The following SLC6A12 variants were observed in gnomAD, a reference collection of about 807,000 sequenced individuals.
The protein encoded by SLC6A12 is sodium- and chloride-dependent betaine transporter.
Under a neutral mutation model 73.3 loss-of-function variants are expected in SLC6A12, and 50 were observed. The ratio of observed to expected loss-of-function variants is 0.68; its 90% CI spans 0.54 to 0.86. The LOEUF is 0.86. Among genes scored for constraint, SLC6A12 ranks in the 40% least tolerant of loss-of-function variants. The pLI, the probability that SLC6A12 is intolerant of heterozygous loss-of-function variation, is 0.00. For missense variants in SLC6A12, 648 were observed against 772.8 expected, an observed-to-expected ratio of 0.84 and a Z score of 1.92; for synonymous variants, 304 against 309.2, an observed-to-expected ratio of 0.98 and a Z score of 0.18.
At chr12:211,867 C>G (rs1017213760) in intron 2 of SLC6A12, among the ~76,000 whole-genome samples, 159 bp downstream of exon 2, 2 of 152,180 alleles carry the variant, frequency 1.3e-5, no homozygotes, top group African/African-American at 4.8e-5. Context: ...ACTCTTTCTA[C>G]GTATTATTGA....
At chr12:197,854 A>G (rs1304121722) in intron 9 of SLC6A12, 46 bp downstream of exon 9, 1 of 1,160,074 alleles carries the variant, frequency 8.6e-7, no homozygotes, top group Admixed American at 1.7e-5. Context: ...ACCCATCCCC[A>G]GGCCCCAACC....
intron 2 of SLC6A12, 138 bp downstream of exon 2, chr12:211,888 C>G (rs1940916775): frequency 6.6e-6 from 1 of 152,170 alleles, no homozygotes; most frequent in Non-Finnish European, 1.5e-5. Context: ...AGTGCATCCT[C>G]CTAAGAATCT....
At chr12:195,498 C>A (rs1939820683) in intron 12 of SLC6A12, among the ~76,000 whole-genome samples, 171 bp from the exon 13 acceptor site, 1 of 152,218 alleles carries the variant, frequency 6.6e-6, no homozygotes, top group Non-Finnish European at 1.5e-5. Flanking sequence ...TCAGGCCCCC[C>A]AGTCAACATC....
intron 6 of SLC6A12, chr12:201,546 G>C (rs1043416971): frequency 1.8e-6 from 1 of 555,052 alleles, no homozygotes; most frequent in Non-Finnish European, 3.3e-6. Context: ...GCTGAAGGTG[G>C]ACATGACGGA....
At chr12:188,216 G>A (rs1939472923), downstream of SLC6A12, among the ~76,000 whole-genome samples, 2 of 152,216 alleles carry the variant, frequency 1.3e-5, no homozygotes. Context: ...CCATGGAGGG[G>A]GAGGGAGGCT....
At chr12:211,322 T>C (rs999206335) in intron 2 of SLC6A12, 1 of 152,224 alleles carries the variant, frequency 6.6e-6, no homozygotes. Flanking sequence ...CCATTTGAGG[T>C]AATGGAAATT....
downstream of SLC6A12, among the ~76,000 whole-genome samples, chr12:186,550 C>A (rs1241560514): frequency 2.0e-5 from 3 of 152,186 alleles, no homozygotes; most frequent in Admixed American, 6.5e-5. Flanking sequence ...GGGCTGCTGC[C>A]ACTAGAAGCC....
chr12:201,234 G>A, intron 6 of SLC6A12: 1 of 195,284 alleles, frequency 5.1e-6, no homozygotes. Context: ...CTACGTGGGG[G>A]TTAGCTCAGT....
At position 198,937 on chromosome 12, in the gene SLC6A12, G is replaced by A. The variant is rs1202087676; in HGVS notation, c.712-6C>T. On this transcript the variant is annotated splice_polypyrimidine_tract_variant and splice_region_variant and intron_variant, in intron 7 of 15. Coordinates refer to ENST00000684302, the MANE Select transcript of SLC6A12 (RefSeq NM_001122848.3). This position sits in a 1 kb window ranked among gnomAD's most constrained non-coding sequence, Gnocchi z 4.0. ...GTGGCTGTGAAATAAACCACCTGGA[G>A]GTGGGGGGACAGGCCAAGGTCACTC... 6.2e-7 allele frequency: 1 copy of A among 1,614,078 alleles called. No homozygotes were observed. Among genetic ancestry groups the A allele is most frequent in the Non-Finnish European group, 8.5e-7 (1 of 1,179,946 alleles).
chr12:200,121 T>C (rs1426576616), intron 7 of SLC6A12, among the ~76,000 whole-genome samples: 2 of 148,038 alleles, frequency 1.4e-5, no homozygotes, highest in East Asian at 3.9e-4. Context: ...TTTTTTTTTT[T>C]TTTTTTTGAG....
At chr12:197,181 CCA>C (rs2137130933) in intron 10 of SLC6A12, among the ~76,000 whole-genome samples, 194 bp downstream of exon 10, 1 of 63,020 alleles carries the variant, frequency 1.6e-5, no homozygotes, top group African/African-American at 5.1e-5. Context: ...ATCCATCCAT[CCA>C]TCCATCCATC....
At chr12:210,277 G>A (rs952335814) in intron 2 of SLC6A12, 23 of 1,153,636 alleles carry the variant, frequency 2.0e-5, no homozygotes, top group Middle Eastern at 3.3e-4. Context: ...AGACCACTCA[G>A]GAGTGGAACC....
Position 198,038 on chromosome 12 carries a change from C to T in SLC6A12, c.847-35G>A. ...ACCCCAAGAAAGAGGTAGAGGCAGC[C>T]CCCAGGGCCCAGAGCCAGGGTGACC... On this transcript the variant is annotated intron_variant, in intron 8 of 15. Transcript: ENST00000684302. The surrounding 1 kb of genome is among the most constrained non-coding windows in gnomAD (Gnocchi z 4.0). 6.3e-7 allele frequency: 1 copy of T among 1,577,176 alleles called. No individual in the cohort carries two copies. Among genetic ancestry groups the T allele is most frequent in the South Asian group, 1.1e-5 (1 of 90,116 alleles).
At chr12:203,643 G>T (rs987119213) in intron 4 of SLC6A12, 2 of 152,206 alleles carry the variant, frequency 1.3e-5, no homozygotes, top group African/African-American at 4.8e-5. Context: ...GCGGCGGAAC[G>T]CGCTGTGCTC....
At chr12:210,178 T>C in intron 2 of SLC6A12, 135 bp from the exon 3 acceptor site, 1 of 1,241,750 alleles carries the variant, frequency 8.1e-7, no homozygotes, top group Non-Finnish European at 1.1e-6. Context: ...AAAGTTCCAG[T>C]TCGTTCTCGT....
At chr12:184,729 G>A in the SLC6A12 span, among the ~76,000 whole-genome samples, 3 of 151,720 alleles carry the variant, frequency 2.0e-5, no homozygotes, top group Non-Finnish European at 4.4e-5. Context: ...TAGCCTGGGC[G>A]ACAGAGCAAG....
chr12:187,695 C>T (rs1253746967), downstream of SLC6A12, among the ~76,000 whole-genome samples: 3 of 149,276 alleles, frequency 2.0e-5, no homozygotes, highest in African/African-American at 7.4e-5. Context: ...CTAGGGCCTC[C>T]GGCAGCCTGC....
At chr12:193,108 T>C (rs1314745296) in intron 14 of SLC6A12, 169 bp downstream of exon 14, 7 of 598,660 alleles carry the variant, frequency 1.2e-5, no homozygotes, top group South Asian at 2.1e-5. Flanking sequence ...GTGGATGAGA[T>C]GGCCCCAGAA....
chr12:193,165 A>G (rs1591778953), intron 14 of SLC6A12, 112 bp downstream of exon 14: 1 of 775,456 alleles, frequency 1.3e-6, no homozygotes, highest in Non-Finnish European at 2.3e-6. Context: ...ACCAGGCCCC[A>G]CGGGAGACTG....
Sources: allele counts gnomAD v4.1 joint callset (sites outside exome capture counted in the v4.1 genomes callset), GRCh38; gene constraint gnomAD v4.1.1; non-coding constraint Gnocchi (gnomAD v3.1); transcripts MANE v1.5; gene names NCBI Gene and HGNC (gene_info 2026-07-23, HGNC 2026-07-21).